The following CERS6 variants were observed in gnomAD, a reference collection of about 807,000 sequenced individuals.
CERS6 encodes ceramide synthase 6.
CERS6 carries 26 observed loss-of-function variants against 56.8 expected under a neutral mutation model. The observed-to-expected ratio is 0.46, with a 90% CI of 0.34 to 0.63. The LOEUF is 0.63. CERS6 is among the 30% of genes least tolerant of loss of function. The pLI, the probability that CERS6 is intolerant of heterozygous loss-of-function variation, is 0.01. For missense variants in CERS6, 415 were observed against 467.5 expected, an observed-to-expected ratio of 0.89 and a Z score of 1.04; for synonymous variants, 164 against 173.3, an observed-to-expected ratio of 0.95 and a Z score of 0.42.
intron 2 of CERS6, among the ~76,000 whole-genome samples, chr2:168,551,911 T>C (rs953443293): frequency 6.6e-6 from 1 of 152,236 alleles, no homozygotes; most frequent in African/African-American, 2.4e-5. Flanking sequence ...CTTTTAACTT[T>C]TGGGGATTCT....
chr2:168,483,672 T>C (rs1423502768), intron 1 of CERS6, among the ~76,000 whole-genome samples: 1 of 152,192 alleles, frequency 6.6e-6, no homozygotes, highest in Non-Finnish European at 1.5e-5. Context: ...TCACCAAAAA[T>C]TTAGTCCAGT....
intron 8 of CERS6, among the ~76,000 whole-genome samples, chr2:168,746,775 GTATATATATATATATATATA>G (rs71003053): frequency 0.016 from 612 of 39,040 alleles, 50 homozygotes; most frequent in Admixed American, 0.16. Context: ...AGGGTAAAGG[GTATATATATATATATATATA>G]TATATATATA....
chr2:168,696,048 C>T (rs78038397), intron 6 of CERS6, among the ~76,000 whole-genome samples: 10,874 of 152,124 alleles, frequency 0.071, 602 homozygotes, highest in African/African-American at 0.15. Context: ...GCAAACATTC[C>T]GAAATCCAAG....
intron 3 of CERS6, among the ~76,000 whole-genome samples, chr2:168,601,097 C>T (rs1208876799): frequency 6.6e-6 from 1 of 152,204 alleles, no homozygotes; most frequent in African/African-American, 2.4e-5. Context: ...TATTACACTT[C>T]AGCCTACGCC....
At chr2:168,469,155 A>C (rs1284205444) in intron 1 of CERS6, among the ~76,000 whole-genome samples, 1 of 152,244 alleles carries the variant, frequency 6.6e-6, no homozygotes, top group Non-Finnish European at 1.5e-5. Flanking sequence ...CTTTAAGAGA[A>C]ATAAACCTGC....
intron 8 of CERS6, among the ~76,000 whole-genome samples, chr2:168,750,741 G>A (rs1231636848): frequency 5.3e-5 from 8 of 152,108 alleles, no homozygotes; most frequent in Non-Finnish European, 8.8e-5. Flanking sequence ...ACGGATTCCT[G>A]ATTACTTCCA....
At chr2:168,718,082 T>C (rs1241744111) in intron 8 of CERS6, 104 bp downstream of exon 8, 3 of 756,806 alleles carry the variant, frequency 4.0e-6, no homozygotes, top group Non-Finnish European at 6.4e-6. Flanking sequence ...GGTTTAAATA[T>C]ATTGGGGGGG....
At chr2:168,691,868 A>G (rs1686511808) in intron 5 of CERS6, among the ~76,000 whole-genome samples, 1 of 152,212 alleles carries the variant, frequency 6.6e-6, no homozygotes, top group East Asian at 1.9e-4. Context: ...GAGGAGACAT[A>G]TTAAACATTA....
At chr2:168,474,581 A>G (rs530127640) in intron 1 of CERS6, among the ~76,000 whole-genome samples, 19 of 152,216 alleles carry the variant, frequency 1.2e-4, no homozygotes, top group Non-Finnish European at 2.6e-4. Flanking sequence ...ACTTTTCCAA[A>G]GAACAGAAGG....
chr2:168,713,904 A>G (rs114093421), intron 6 of CERS6, among the ~76,000 whole-genome samples: 2,397 of 152,256 alleles, frequency 0.016, 32 homozygotes, highest in Middle Eastern at 0.024. Context: ...GCACATTCCA[A>G]GAAATCTGAG....
intron 2 of CERS6, among the ~76,000 whole-genome samples, chr2:168,556,618 T>G (rs889152089): frequency 2.0e-5 from 3 of 152,154 alleles, no homozygotes; most frequent in Non-Finnish European, 4.4e-5. Context: ...TTGTGAAGAA[T>G]TATTCATACT....
intron 3 of CERS6, among the ~76,000 whole-genome samples, chr2:168,586,184 T>C (rs1161579509): frequency 1.4e-5 from 2 of 147,620 alleles, no homozygotes; most frequent in Non-Finnish European, 3.0e-5. Flanking sequence ...TGGAGTTTTG[T>C]GATATTGCCG....
At chr2:168,496,462 A>G (rs935248003) in intron 1 of CERS6, among the ~76,000 whole-genome samples, 6 of 152,104 alleles carry the variant, frequency 3.9e-5, no homozygotes, top group African/African-American at 1.4e-4. Context: ...GGCGAAAATG[A>G]TAGGAAGCCA....
At chr2:168,460,236 C>T (rs1693754649) in intron 1 of CERS6, among the ~76,000 whole-genome samples, 1 of 151,906 alleles carries the variant, frequency 6.6e-6, no homozygotes, top group Non-Finnish European at 1.5e-5. Context: ...CCTCCATCAC[C>T]CATGCTGGAG....
chr2:168,680,008 T>G (rs1057106366), intron 4 of CERS6, among the ~76,000 whole-genome samples: 1 of 152,134 alleles, frequency 6.6e-6, no homozygotes, highest in African/African-American at 2.4e-5. Flanking sequence ...TTCTTAAATA[T>G]TGGAAGTAAT....
At chr2:168,639,144 G>GT (rs1230554518) in intron 4 of CERS6, among the ~76,000 whole-genome samples, 3 of 152,132 alleles carry the variant, frequency 2.0e-5, no homozygotes, top group Admixed American at 2.0e-4. Flanking sequence ...CTACTCAAAA[G>GT]TTTAGAGTTG....
At chr2:168,598,778 A>G (rs919293919) in intron 3 of CERS6, among the ~76,000 whole-genome samples, 8 of 152,198 alleles carry the variant, frequency 5.3e-5, no homozygotes, top group African/African-American at 1.9e-4. Context: ...AGTGGTGTCA[A>G]ATATTGCGGT....
intron 4 of CERS6, among the ~76,000 whole-genome samples, chr2:168,652,180 C>T (rs767433623): frequency 9.2e-5 from 14 of 151,970 alleles, no homozygotes; most frequent in East Asian, 3.9e-4. Context: ...CTTAGTTCAA[C>T]GAAATCAGTC....
intron 3 of CERS6, among the ~76,000 whole-genome samples, chr2:168,596,910 A>G (rs1683814509): frequency 6.6e-6 from 1 of 152,214 alleles, no homozygotes; most frequent in African/African-American, 2.4e-5. Context: ...TGTTTGCTCT[A>G]ATATAAACTG....
Sources: allele counts gnomAD v4.1 joint callset (sites outside exome capture counted in the v4.1 genomes callset), GRCh38; gene constraint gnomAD v4.1.1; transcripts MANE v1.5; gene names NCBI Gene and HGNC (gene_info 2026-07-23, HGNC 2026-07-21).